Variants in LAPTM5 observed in about 807,000 individuals in gnomAD.
LAPTM5 encodes lysosomal protein transmembrane 5.
In LAPTM5, 11 loss-of-function variants were observed where a neutral mutation model predicts 30.1. That is an observed-to-expected ratio of 0.37 (90% CI 0.23 to 0.60). The LOEUF (loss-of-function observed/expected upper bound fraction) is 0.60. Among genes scored for constraint, LAPTM5 ranks in the 20% least tolerant of loss-of-function variants. The pLI is 0.71. For missense variants in LAPTM5, 324 were observed against 332.5 expected, an observed-to-expected ratio of 0.97 and a Z score of 0.20; for synonymous variants, 151 against 137.9, an observed-to-expected ratio of 1.10 and a Z score of -0.67.
At chr1:30,747,551 C>A (rs780120735) in intron 1 of LAPTM5, among the ~76,000 whole-genome samples, 1 of 152,154 alleles carries the variant, frequency 6.6e-6, no homozygotes, top group Non-Finnish European at 1.5e-5. Flanking sequence ...CCCGTCTGCA[C>A]GCAGCCTTTC....
intron 3 of LAPTM5, among the ~76,000 whole-genome samples, chr1:30,740,781 G>C (rs747821156): frequency 9.9e-5 from 15 of 152,206 alleles, no homozygotes; most frequent in Non-Finnish European, 1.8e-4. Context: ...GCCTCCCCAG[G>C]CAGCATGGGT....
rs16834054 is a variant in LAPTM5 at position 30,752,454 on chromosome 1, G to C, written c.87+5205C>G. 0.013 allele frequency among the ~76,000 whole-genome samples: 1,929 copies of C among 152,188 alleles called. 82 individuals carry two copies. The East Asian group carries it at 0.15, about 12-fold the overall frequency. On this transcript the variant is annotated intron_variant, in intron 1 of 7. Coordinates refer to ENST00000294507, the MANE Select transcript of LAPTM5 (RefSeq NM_006762.3). ...CTAACCCAGCTTGACAAACCTGCTA[G>C]GTCTCTGAAGCACTGCAGGGTCCTT...
intron 1 of LAPTM5, among the ~76,000 whole-genome samples, chr1:30,743,299 T>TTGAATGAA (rs150944541): frequency 4.2e-4 from 64 of 152,186 alleles, no homozygotes; most frequent in African/African-American, 1.4e-3. Flanking sequence ...GTTGTATTTG[T>TTGAATGAA]TGAATGAATG....
In LAPTM5 at chr1:30,736,231, G is replaced by A. The variant is rs377022962; in HGVS notation, c.607-966C>T. On this transcript the variant is annotated intron_variant, in intron 6 of 7. Transcript: ENST00000294507. ...TGGAGAAGATGCTAAAAGGGGCAAGGTTCTGTTTCTAGGTTGGCATTAGGT... is the reference window on the plus strand; with the variant it reads ...TGGAGAAGATGCTAAAAGGGGCAAGATTCTGTTTCTAGGTTGGCATTAGGT... Among the ~76,000 whole-genome samples, 468 of 152,180 alleles carry A rather than the reference G, an allele frequency of 3.1e-3. 9 individuals carry two copies. Among genetic ancestry groups the A allele is most frequent in the Middle Eastern group, 3.4e-3 (1 of 294 alleles).
At chr1:30,757,377 A>C (rs2124206309) in intron 1 of LAPTM5, among the ~76,000 whole-genome samples, 1 of 152,370 alleles carries the variant, frequency 6.6e-6, no homozygotes, top group South Asian at 2.1e-4. Context: ...ACAGAGGCAG[A>C]AACGGAGCCA....
At chr1:30,740,872 A>G (rs1639961022) in intron 3 of LAPTM5, among the ~76,000 whole-genome samples, 1 of 152,012 alleles carries the variant, frequency 6.6e-6, no homozygotes, top group Non-Finnish European at 1.5e-5. Context: ...CCAGCACCAA[A>G]TCATCGCCCC....
chr1:30,749,611 C>A (rs1373307435), intron 1 of LAPTM5, among the ~76,000 whole-genome samples: 2 of 152,198 alleles, frequency 1.3e-5, no homozygotes, highest in South Asian at 2.1e-4. Flanking sequence ...GAGGGCACGA[C>A]TCCCAGGGAC....
chr1:30,742,456 C>T lies in LAPTM5; in HGVS notation c.181G>A (p.Ala61Thr), dbSNP rs1386616033. The change falls in exon 2 of 8, where the codon GCT becomes ACT. Residue 61 changes from alanine to threonine, a missense_variant and splice_region_variant. Ala to Thr is a moderately conservative substitution (Grantham distance 58). Coordinates refer to ENST00000294507, the MANE Select transcript of LAPTM5 (RefSeq NM_006762.3). Reference sequence around the variant, plus strand: ...CTCCACCGGCGTCCCCTGGACCTACCGATCCTGAGGTAGCCCATCTGGGAG... The same window carrying T: ...CTCCACCGGCGTCCCCTGGACCTACTGATCCTGAGGTAGCCCATCTGGGAG... ...KLSQMGYLRI[A>T]DLISSFLLIT... 1 of 1,611,362 alleles carries T rather than the reference C, an allele frequency of 6.2e-7. No homozygotes were observed. Among genetic ancestry groups the T allele is most frequent in the Non-Finnish European group, 8.5e-7 (1 of 1,178,472 alleles).
intron 1 of LAPTM5, among the ~76,000 whole-genome samples, chr1:30,747,504 C>T (rs1640065687): frequency 6.6e-6 from 1 of 152,200 alleles, no homozygotes; most frequent in Non-Finnish European, 1.5e-5. Flanking sequence ...CCGCTTTTCA[C>T]CTCTTCTTCT....
chr1:30,757,328 C>T (rs2124206205), intron 1 of LAPTM5, among the ~76,000 whole-genome samples: 1 of 152,356 alleles, frequency 6.6e-6, no homozygotes, highest in South Asian at 2.1e-4. Flanking sequence ...GTTGGCTTTG[C>T]ACACAAATAA....
At chr1:30,735,146 C>A in intron 7 of LAPTM5, 27 bp downstream of exon 7, 2 of 1,552,934 alleles carry the variant, frequency 1.3e-6, no homozygotes, top group Non-Finnish European at 1.8e-6. Context: ...AGTGACAGGG[C>A]TGGCACCCAC....
At position 30,746,734 on chromosome 1, in the gene LAPTM5, G is replaced by A. The variant is rs1640052102; in HGVS notation, c.88-4185C>T. ...TGGGGTCAGATGGCCCCAGGCCCCA[G>A]CCGAGCTCTGCACCCTTGAGCCAGC... On this transcript the variant is annotated intron_variant, in intron 1 of 7. Transcript: ENST00000294507. The surrounding 1 kb of genome is among the most constrained non-coding windows in gnomAD (Gnocchi z 4.0). Among the ~76,000 whole-genome samples, 1 of 151,428 alleles carries A rather than the reference G, an allele frequency of 6.6e-6. No individual in the cohort carries two copies. The highest frequency in any genetic ancestry group is 2.1e-4 in the South Asian group (1 of 4,790).
chr1:30,753,465 A>G (rs1480693892), intron 1 of LAPTM5, among the ~76,000 whole-genome samples: 1 of 152,246 alleles, frequency 6.6e-6, no homozygotes, highest in East Asian at 1.9e-4. Context: ...ACCTTTTCTT[A>G]GTACGATGTT....
Position 30,742,472 on chromosome 1 carries a change from C to A in LAPTM5, c.165G>T (p.Met55Ile), listed in dbSNP as rs1364668987. ...HGKASCKLSQ[M>I]GYLRIADLIS... is the part of the protein sequence containing the mutation. ...TGGACCTACCGATCCTGAGGTAGCC[C>A]ATCTGGGAGAGCTTGCAGGACGCCT... is the stretch of plus-strand genomic sequence containing the variant. The change falls in exon 2 of 8, where the codon ATG becomes ATT. Residue 55 changes from methionine (M) to isoleucine (I), a missense_variant. Transcript: ENST00000294507. 6 of 1,613,322 alleles carry A rather than the reference C, an allele frequency of 3.7e-6. No homozygotes were observed. The highest frequency in any genetic ancestry group is 5.1e-6 in the Non-Finnish European group (6 of 1,179,728).
intron 1 of LAPTM5, 124 bp downstream of exon 1, chr1:30,757,535 G>T: frequency 1.0e-6 from 1 of 997,284 alleles, no homozygotes; most frequent in Non-Finnish European, 1.5e-6. Context: ...TTTGCCCAGG[G>T]TCCCCCAGAG....
At position 30,733,833 on chromosome 1, in the gene LAPTM5, C is replaced by T. The variant is rs767520995; in HGVS notation, c.784G>A (p.Val262Met). 6.2e-7 allele frequency: 1 copy of T among 1,605,286 alleles called. No individual in the cohort carries two copies. Among genetic ancestry groups the T allele is most frequent in the African/African-American group, 1.3e-5 (1 of 74,536 alleles). The change falls in exon 8 of 8, where the codon GTG (valine) becomes ATG (methionine). Residue 262 changes from valine to methionine, a missense_variant. Val to Met is a conservative substitution (Grantham distance 21). Transcript: ENST00000294507. ...GGGCTGGGGCCTGGCGAGGGTCACA[C>T]CTCTGAGTATGGGGGTGGTGCTGGG... ...GGPAPPPYSE[V>M]
rs1639988058 is a variant in LAPTM5, at chr1:30,742,623, G to T, written c.88-74C>A. ...CCGACCAGCCCCTCCCACCTTAGTG[G>T]TGTACAGCAGGGAAGCCAGTAGTGG... On this transcript the variant is annotated intron_variant, in intron 1 of 7. Transcript: ENST00000294507. The T allele has an allele frequency of 4.1e-6, 5 of 1,217,558 alleles. No homozygotes were observed. In the South Asian group the frequency reaches 6.3e-5, roughly 15 times the overall value. 75.4% of individuals were successfully genotyped at this position (1,217,558 alleles called of 1,614,324 possible).
At chr1:30,733,960 G>T (rs778361255) in intron 7 of LAPTM5, 43 bp from the exon 8 acceptor site, 1 of 1,585,050 alleles carries the variant, frequency 6.3e-7, no homozygotes, top group South Asian at 1.2e-5. Context: ...GGTCAAGAAT[G>T]ACCTGCAATT....
intron 1 of LAPTM5, among the ~76,000 whole-genome samples, chr1:30,752,900 A>G (rs1238577931): frequency 1.3e-5 from 2 of 151,974 alleles, no homozygotes; most frequent in African/African-American, 4.8e-5. Flanking sequence ...TCCACCTCCC[A>G]GGTTCAAGCA....
Sources: allele counts gnomAD v4.1 joint callset (sites outside exome capture counted in the v4.1 genomes callset), GRCh38; gene constraint gnomAD v4.1.1; non-coding constraint Gnocchi (gnomAD v3.1); transcripts MANE v1.5; gene names NCBI Gene and HGNC (gene_info 2026-07-23, HGNC 2026-07-21).